The following ANKRD30BL variants were observed in gnomAD, a reference collection of about 807,000 sequenced individuals.
The protein encoded by ANKRD30BL is putative ankyrin repeat domain-containing protein 30B-like.
Under a neutral mutation model 18.4 loss-of-function variants are expected in ANKRD30BL, and 20 were observed. The observed-to-expected ratio is 1.09, with a 90% CI of 0.77 to 1.58. The LOEUF (loss-of-function observed/expected upper bound fraction) is 1.58. Among genes scored for constraint, ANKRD30BL ranks in the 40% most tolerant of loss-of-function variants. The probability of loss-of-function intolerance (pLI) is 0.00; values close to 1 mark genes in which losing one functional copy is unlikely to be tolerated. For synonymous variants in ANKRD30BL, 72 were observed against 100.9 expected, an observed-to-expected ratio of 0.71 and a Z score of 1.72; for missense variants, 224 against 268.6, an observed-to-expected ratio of 0.83 and a Z score of 1.16.
At chr2:132,192,849 C>G (rs1228102766) in intron 1 of ANKRD30BL, among the ~76,000 whole-genome samples, 1 of 152,218 alleles carries the variant, frequency 6.6e-6, no homozygotes, top group Non-Finnish European at 1.5e-5. Context: ...ATTAGCAGCA[C>G]TGGGAACAGT....
chr2:132,172,235 T>G (rs1688295336), intron 1 of ANKRD30BL, among the ~76,000 whole-genome samples: 1 of 152,192 alleles, frequency 6.6e-6, no homozygotes, highest in Non-Finnish European at 1.5e-5. Flanking sequence ...TGGGCATGTA[T>G]ATAGGCATAG....
intron 4 of ANKRD30BL, among the ~76,000 whole-genome samples, chr2:132,151,916 C>T (rs182036053): frequency 0.011 from 1,625 of 152,258 alleles, 22 homozygotes; most frequent in African/African-American, 0.037. Flanking sequence ...TCCTTAAACT[C>T]TGAACCAACA....
exon 1 of ANKRD30BL, chr2:132,257,552 G>C (rs1680896791): frequency 9.2e-6 from 2 of 218,294 alleles, no homozygotes; most frequent in Admixed American, 1.1e-4. Flanking sequence ...AAGTGGAGGA[G>C]GGTCCTCTGC....
intron 1 of ANKRD30BL, among the ~76,000 whole-genome samples, chr2:132,249,153 A>G (rs1016119278): frequency 2.0e-5 from 3 of 152,180 alleles, no homozygotes; most frequent in Non-Finnish European, 4.4e-5. Flanking sequence ...ATAGGCCTCA[A>G]AGTGTTCACA....
intron 1 of ANKRD30BL, among the ~76,000 whole-genome samples, chr2:132,231,831 C>A (rs1381703973): frequency 1.3e-5 from 2 of 152,232 alleles, no homozygotes; most frequent in Non-Finnish European, 2.9e-5. Flanking sequence ...CTGGGTGGAG[C>A]CCACCACAGC....
At chr2:132,210,240 G>T (rs1573844432) in intron 1 of ANKRD30BL, among the ~76,000 whole-genome samples, 1 of 150,672 alleles carries the variant, frequency 6.6e-6, no homozygotes, top group Non-Finnish European at 1.5e-5. Flanking sequence ...AAACTCCTTT[G>T]TGATGTGTGC....
chr2:132,238,677 T>A (rs1232340571), intron 1 of ANKRD30BL, among the ~76,000 whole-genome samples: 1 of 152,094 alleles, frequency 6.6e-6, no homozygotes, highest in East Asian at 1.9e-4. Flanking sequence ...TGTACTCAAC[T>A]CACAGATTTG....
At chr2:132,168,151 G>A (rs1178540143) in intron 1 of ANKRD30BL, among the ~76,000 whole-genome samples, 1 of 152,006 alleles carries the variant, frequency 6.6e-6, no homozygotes, top group African/African-American at 2.4e-5. Flanking sequence ...TTTTCTATTT[G>A]CTTTCTTTGT....
rs551773128 is a variant in ANKRD30BL, at chr2:132,232,956, A to G, written n.441+24573T>C. On this transcript the variant is annotated intron_variant and non_coding_transcript_variant, in intron 1 of 4. Transcript: ENST00000470729. ...GAGAGAAAGGTCGGGTTACCCTCAA[A>G]AGGAAGCCCACCAGACTAACAGCGG... is the stretch of plus-strand genomic sequence containing the variant. Among the ~76,000 whole-genome samples the G allele has an allele frequency of 2.2e-3, 328 of 152,264 alleles. 1 individual carries two copies. Among genetic ancestry groups the G allele is most frequent in the African/African-American group, 7.4e-3 (309 of 41,564 alleles).
At position 132,252,652 on chromosome 2, in the gene ANKRD30BL, G is replaced by A. The variant is rs568179661; in HGVS notation, n.441+4877C>T. ...GCTGGGCCGCCTCCAGGGGTGGACGGCGAACTGCGGCGACTGTGACGTGCT... is the reference window on the plus strand; with the variant it reads ...GCTGGGCCGCCTCCAGGGGTGGACGACGAACTGCGGCGACTGTGACGTGCT... On this transcript the variant is annotated intron_variant and non_coding_transcript_variant, in intron 1 of 4. Transcript: ENST00000470729. 1.4e-4 allele frequency among the ~76,000 whole-genome samples: 21 copies of A among 152,254 alleles called. No individual in the cohort carries two copies. In the South Asian group the frequency reaches 4.1e-3, roughly 30 times the overall value.
Position 132,161,887 on chromosome 2 carries a change from TTAGGCAGCTGAGCAGAACCG to T in ANKRD30BL, c.-202_-183del, listed in dbSNP as rs1236985642. On this transcript the variant is annotated 5_prime_UTR_variant, in exon 1 of 6. Transcript: ENST00000409867. ...GGGAGAAAATGGCTGCGCAAAACCG[TTAGGCAGCTGAGCAGAACCG>T]TTAGGCACCTGAGCAGAACCTTTAG... is the stretch of plus-strand genomic sequence containing the variant. 1 of 593,388 alleles carries T rather than the reference TTAGGCAGCTGAGCAGAACCG, an allele frequency of 1.7e-6. No individual in the cohort carries two copies. The highest frequency in any genetic ancestry group is 1.9e-5 in the African/African-American group (1 of 53,440). The allele number at this position is 593,388 out of a possible 1,614,324, so 36.8% of individuals were successfully genotyped here. A position where few individuals can be genotyped will look rare whatever the true frequency, so the allele number is the denominator to read the frequency against.
At chr2:132,171,988 A>G (rs1426388963) in intron 1 of ANKRD30BL, among the ~76,000 whole-genome samples, 2 of 152,206 alleles carry the variant, frequency 1.3e-5, no homozygotes, top group Admixed American at 6.6e-5. Context: ...TATTTCACTA[A>G]GCATAGTGTT....
intron 1 of ANKRD30BL, among the ~76,000 whole-genome samples, chr2:132,245,871 A>G (rs565053941): frequency 5.3e-5 from 8 of 151,450 alleles, no homozygotes; most frequent in Non-Finnish European, 1.2e-4. Context: ...ATTCTCTTTT[A>G]TAGAGCAATT....
intron 1 of ANKRD30BL, among the ~76,000 whole-genome samples, chr2:132,218,618 A>G (rs547357330): frequency 6.6e-6 from 1 of 152,392 alleles, no homozygotes; most frequent in Admixed American, 6.5e-5. Context: ...CCTATGGTAG[A>G]AAAGGAATTA....
intron 1 of ANKRD30BL, among the ~76,000 whole-genome samples, chr2:132,213,274 G>T (rs1203642984): frequency 1.3e-5 from 2 of 151,662 alleles, no homozygotes; most frequent in African/African-American, 4.8e-5. Flanking sequence ...CATTTGGAGC[G>T]ATTTGAGGCC....
intron 1 of ANKRD30BL, among the ~76,000 whole-genome samples, chr2:132,231,076 C>T (rs753996061): frequency 1.2e-4 from 18 of 151,354 alleles, no homozygotes; most frequent in African/African-American, 3.2e-4. Context: ...TTTGAAAGAG[C>T]AGGTTTGAAA....
rs1436404389 is a variant in ANKRD30BL at position 132,198,256 on chromosome 2, CTTCTTTCTTTCTT to C, written n.442-41123_442-41111del. On this transcript the variant is annotated intron_variant and non_coding_transcript_variant, in intron 1 of 4. Transcript: ENST00000470729. ...TTTTCTCTTTCATAATTTACTATAC[CTTCTTTCTTTCTT>C]TTCTTTCTTTCTTTCTTTCTTTCTT... Among the ~76,000 whole-genome samples the C allele has an allele frequency of 2.4e-3, 331 of 137,030 alleles. 23 individuals are homozygous for C. The highest frequency in any genetic ancestry group is 9.6e-3 in the African/African-American group (310 of 32,174). The allele number at this position is 137,030 out of a possible 152,430, so 89.9% of individuals were successfully genotyped here. A position where few individuals can be genotyped will look rare whatever the true frequency, so the allele number is the denominator to read the frequency against.
chr2:132,217,636 G>A (rs1445737527), intron 1 of ANKRD30BL, among the ~76,000 whole-genome samples: 1 of 152,262 alleles, frequency 6.6e-6, no homozygotes, highest in Admixed American at 6.5e-5. Context: ...AGTTTTCTCA[G>A]AAACTACTTT....
chr2:132,221,089 C>G (rs1237457382), intron 1 of ANKRD30BL, among the ~76,000 whole-genome samples: 1 of 145,320 alleles, frequency 6.9e-6, no homozygotes, highest in Admixed American at 6.8e-5. Context: ...TGCCTGGCAA[C>G]CGCCCCGTCT....
Sources: allele counts gnomAD v4.1 joint callset (sites outside exome capture counted in the v4.1 genomes callset), GRCh38; gene constraint gnomAD v4.1.1; transcripts MANE v1.5; gene names NCBI Gene and HGNC (gene_info 2026-07-23, HGNC 2026-07-21).